PGAP1: variants seen among roughly 807,000 people sequenced by gnomAD.
PGAP1 encodes the protein post-GPI attachment to proteins inositol deacylase 1, also known as GPI inositol-deacylase.
In PGAP1, 76 loss-of-function variants were observed where a neutral mutation model predicts 127.0. That is an observed-to-expected ratio of 0.60 (90% CI 0.50 to 0.72). The LOEUF is 0.72. PGAP1 is among the 30% of genes least tolerant of loss of function. PGAP1 has a pLI of 0.00. For missense variants in PGAP1, 982 were observed against 1,071.3 expected, an observed-to-expected ratio of 0.92 and a Z score of 1.16; for synonymous variants, 362 against 366.5, an observed-to-expected ratio of 0.99 and a Z score of 0.14.
intron 26 of PGAP1, among the ~76,000 whole-genome samples, chr2:196,841,847 A>T (rs1387955701): frequency 6.6e-6 from 1 of 152,182 alleles, no homozygotes; most frequent in Non-Finnish European, 1.5e-5. Context: ...AAAGGTCAAT[A>T]CAAGCCATAC....
At chr2:196,921,170 T>C (rs1703181937) in intron 1 of PGAP1, among the ~76,000 whole-genome samples, 1 of 131,124 alleles carries the variant, frequency 7.6e-6, no homozygotes, top group African/African-American at 2.7e-5. Flanking sequence ...TAATGACTAA[T>C]GAAAACCCTC....
At chr2:196,864,652 G>T (rs930643873) in intron 20 of PGAP1, among the ~76,000 whole-genome samples, 4 of 151,948 alleles carry the variant, frequency 2.6e-5, no homozygotes, top group African/African-American at 9.7e-5. Flanking sequence ...TTAATAATTT[G>T]CAGGTCTTAA....
intron 6 of PGAP1, 100 bp downstream of exon 6, chr2:196,898,217 C>CA (rs369035974): frequency 0.14 from 89,165 of 620,044 alleles, no homozygotes; most frequent in East Asian, 0.16. Flanking sequence ...GACTCTGTCT[C>CA]AAAAAAAAAA....
intron 1 of PGAP1, chr2:196,922,363 C>T (rs1703223883): frequency 2.0e-6 from 2 of 984,054 alleles, no homozygotes; most frequent in Non-Finnish European, 2.4e-6. Flanking sequence ...TAGATGAATA[C>T]ACATAGTTTT....
rs1267183266 is a variant in PGAP1 at position 196,834,892 on chromosome 2, T to C, written c.*6342A>G. The C allele has an allele frequency of 6.6e-6, 1 of 152,026 alleles. No homozygotes were observed. Among genetic ancestry groups the C allele is most frequent in the Non-Finnish European group, 1.5e-5 (1 of 67,884 alleles). 9.4% of individuals were successfully genotyped at this position (152,026 alleles called of 1,614,324 possible). On this transcript the variant is annotated 3_prime_UTR_variant, in exon 27 of 27. Transcript: ENST00000354764. ...ACTATCTTTTTACTAATAACACCTATGGTCCCCATTAGAATAAACTGTCAC... is the reference window on the plus strand; with the variant it reads ...ACTATCTTTTTACTAATAACACCTACGGTCCCCATTAGAATAAACTGTCAC...
Position 196,892,396 on chromosome 2 carries a change from A to G in PGAP1, c.1039T>C (p.Ser347Pro). ...GACACTTTTACTAGAACCCACATAG[A>G]TGTCCCTGAAGGTAAAGGAAATTAA... ...PAIISDLTGT[S>P]MWVLVKVSKW... Residue 347 changes from serine (S) to proline (P), a missense_variant, in exon 9 of 27, where the codon TCT (serine) becomes CCT (proline). Coordinates refer to ENST00000354764, the MANE Select transcript of PGAP1 (RefSeq NM_024989.4). The G allele has an allele frequency of 7.0e-7, 1 of 1,432,258 alleles. No homozygotes were observed. The highest frequency in any genetic ancestry group is 9.7e-7 in the Non-Finnish European group (1 of 1,034,042). The allele number at this position is 1,432,258 out of a possible 1,614,324, so 88.7% of individuals were successfully genotyped here. A position where few individuals can be genotyped will look rare whatever the true frequency, so the allele number is the denominator to read the frequency against.
chr2:196,922,774 G>A (rs115528997), intron 1 of PGAP1: 1,551 of 149,646 alleles, frequency 0.01, 25 homozygotes, highest in African/African-American at 0.036. Context: ...TCGACTTCCC[G>A]GGCTCAAGTG....
chr2:196,871,986 G>A (rs1701424019), intron 18 of PGAP1, among the ~76,000 whole-genome samples: 1 of 151,854 alleles, frequency 6.6e-6, no homozygotes, highest in Admixed American at 6.6e-5. Context: ...AAACACAATA[G>A]GTATGAAATC....
At chr2:196,881,872 A>C (rs547099272) in intron 12 of PGAP1, among the ~76,000 whole-genome samples, 14 of 152,292 alleles carry the variant, frequency 9.2e-5, no homozygotes, top group Non-Finnish European at 1.8e-4. Flanking sequence ...TAGTTTAATT[A>C]CATCCCATTT....
Position 196,847,200 on chromosome 2 carries a change from C to G in PGAP1, c.1953G>C (p.Gly651=). ...PFVIIIKFLL[G]YKWFKELWDV... is the part of the protein sequence containing the mutation. ...CCCACAATTCTTTAAACCATTTATA[C>G]CTGTGGAGAAAAGAAAATATAAAAG... The change falls in exon 22 of 27, where the codon GGG becomes GGC. Residue 651 remains glycine (G), a splice_region_variant and synonymous_variant. Coordinates refer to ENST00000354764, the MANE Select transcript of PGAP1 (RefSeq NM_024989.4). 6.3e-7 allele frequency: 1 copy of G among 1,593,806 alleles called. No homozygotes were observed. Among genetic ancestry groups the G allele is most frequent in the Non-Finnish European group, 8.5e-7 (1 of 1,172,762 alleles).
At chr2:196,913,741 T>C (rs1401076643) in intron 3 of PGAP1, among the ~76,000 whole-genome samples, 1 of 152,204 alleles carries the variant, frequency 6.6e-6, no homozygotes, top group African/African-American at 2.4e-5. Context: ...AGAGTTAACA[T>C]AGGAGGCCTG....
intron 7 of PGAP1, among the ~76,000 whole-genome samples, chr2:196,896,916 T>A (rs1372089277): frequency 6.6e-6 from 1 of 151,968 alleles, no homozygotes; most frequent in Non-Finnish European, 1.5e-5. Flanking sequence ...GTTCTTTCAC[T>A]TTTCATTTTC....
At position 196,893,227 on chromosome 2, in the gene PGAP1, T is replaced by G. The variant is rs754331903; in HGVS notation, c.946A>C (p.Lys316Gln). ...DTKQITQNSK[K>Q]KLSVLYHHFI... ...TGGTGATACAAAACTGACAGTTTCTTCTTGGAATTTTGAGTTATCTAGAAA... is the reference window on the plus strand; with the variant it reads ...TGGTGATACAAAACTGACAGTTTCTGCTTGGAATTTTGAGTTATCTAGAAA... Residue 316 changes from lysine to glutamine, a missense_variant, in exon 8 of 27, where the codon AAG (lysine) becomes CAG (glutamine). Physicochemically the swap from Lys to Gln is moderately conservative, Grantham distance 53 (BLOSUM62 1). Transcript: ENST00000354764. 3 of 1,588,358 alleles carry G rather than the reference T, an allele frequency of 1.9e-6. No homozygotes were observed. The highest frequency in any genetic ancestry group is 2.6e-6 in the Non-Finnish European group (3 of 1,159,484).
At chr2:196,849,847 C>T (rs1324770990) in intron 20 of PGAP1, among the ~76,000 whole-genome samples, 3 of 152,112 alleles carry the variant, frequency 2.0e-5, no homozygotes, top group South Asian at 2.1e-4. Context: ...AAGTTTTAGC[C>T]TCCTGGGAAA....
At chr2:196,890,260 C>G (rs113746348) in intron 10 of PGAP1, among the ~76,000 whole-genome samples, 24 of 152,228 alleles carry the variant, frequency 1.6e-4, no homozygotes, top group African/African-American at 5.3e-4. Context: ...ATAATAAATG[C>G]ACGCTACAGC....
Position 196,844,578 on chromosome 2 carries a change from AG to A in PGAP1, c.2287-5del, listed in dbSNP as rs774668147. On this transcript the variant is annotated splice_polypyrimidine_tract_variant and splice_region_variant and intron_variant, in intron 23 of 26. Transcript: ENST00000354764. ...AGCTGGCTTGCAGATGAACAACCTA[AG>A]AAAAATAAATTGCTCTTTAATTTTA... The A allele has an allele frequency of 3.8e-6, 6 of 1,585,780 alleles. No individual in the cohort carries two copies. Among genetic ancestry groups the A allele is most frequent in the Non-Finnish European group, 5.1e-6 (6 of 1,167,404 alleles).
chr2:196,926,164 G>A (rs1305144920), intron 1 of PGAP1, among the ~76,000 whole-genome samples: 1 of 152,072 alleles, frequency 6.6e-6, no homozygotes, highest in Non-Finnish European at 1.5e-5. Flanking sequence ...AGTCAGAAGA[G>A]CTTGTGCCCA....
intron 13 of PGAP1, among the ~76,000 whole-genome samples, chr2:196,879,754 T>G (rs577153754): frequency 6.6e-6 from 1 of 152,278 alleles, no homozygotes; most frequent in African/African-American, 2.4e-5. Flanking sequence ...TAATTCCTGG[T>G]ACATAGCCTT....
At chr2:196,883,546 A>G (rs1415940366) in intron 12 of PGAP1, among the ~76,000 whole-genome samples, 2 of 152,204 alleles carry the variant, frequency 1.3e-5, no homozygotes, top group Non-Finnish European at 2.9e-5. Context: ...ATTAGGAAGA[A>G]CTTGGATAAT....
Sources: allele counts gnomAD v4.1 joint callset (sites outside exome capture counted in the v4.1 genomes callset), GRCh38; gene constraint gnomAD v4.1.1; transcripts MANE v1.5; gene names NCBI Gene and HGNC (gene_info 2026-07-23, HGNC 2026-07-21).